Variants in RXRA observed in about 807,000 individuals in gnomAD.
RXRA encodes retinoid X receptor alpha.
In RXRA, 5 loss-of-function variants were observed where a neutral mutation model predicts 44.5. The observed-to-expected ratio is 0.11, with a 90% CI of 0.06 to 0.24. RXRA has a LOEUF of 0.24. RXRA is among the 10% of genes least tolerant of loss of function. The pLI, the probability that RXRA is intolerant of heterozygous loss-of-function variation, is 1.00. For missense variants in RXRA, 412 were observed against 646.5 expected, an observed-to-expected ratio of 0.64 and a Z score of 3.93; for synonymous variants, 291 against 271.4, an observed-to-expected ratio of 1.07 and a Z score of -0.71.
chr9:134,436,209 C>T (rs981480734), intron 9 of RXRA, among the ~76,000 whole-genome samples: 2 of 152,236 alleles, frequency 1.3e-5, no homozygotes, highest in East Asian at 1.9e-4. Context: ...TGCTGTCTGG[C>T]CCCTGGCCCT....
intron 1 of RXRA, among the ~76,000 whole-genome samples, chr9:134,353,785 T>C (rs1393877451): frequency 1.3e-5 from 2 of 152,188 alleles, no homozygotes; most frequent in Non-Finnish European, 2.9e-5. Context: ...GGATGTCCCG[T>C]TGGGGCCGTG....
chr9:134,354,763 G>A (rs1211473344), intron 1 of RXRA, among the ~76,000 whole-genome samples: 1 of 152,234 alleles, frequency 6.6e-6, no homozygotes, highest in African/African-American at 2.4e-5. Context: ...TCAGATCTGG[G>A]CCAAACCTGC....
At chr9:134,346,169 TGCC>T (rs1554748757) in intron 1 of RXRA, among the ~76,000 whole-genome samples, 1 of 152,142 alleles carries the variant, frequency 6.6e-6, no homozygotes, top group African/African-American at 2.4e-5. Flanking sequence ...ATCAGGACCA[TGCC>T]GCCCTCCTCT....
rs532306536 is a variant in RXRA, at chr9:134,408,016, A to G, written c.280-133A>G. The G allele has an allele frequency of 1.3e-4, 75 of 557,502 alleles. 1 individual carries two copies. The highest frequency in any genetic ancestry group is 2.9e-4 in the Admixed American group (8 of 27,990). 34.5% of individuals were successfully genotyped at this position (557,502 alleles called of 1,614,324 possible). On this transcript the variant is annotated intron_variant, in intron 2 of 9. Transcript: ENST00000481739. ...CGGAGCAGCGTGGCGGGTGGGGGGC[A>G]CGGCCCTCTCTAGCCTCGGTGTCTG...
At chr9:134,415,158 T>C (rs1331590060) in intron 4 of RXRA, among the ~76,000 whole-genome samples, 2 of 152,192 alleles carry the variant, frequency 1.3e-5, no homozygotes, top group African/African-American at 4.8e-5. Context: ...TGAGTCTCCC[T>C]GTGTGGGCGG....
intron 1 of RXRA, chr9:134,380,199 C>T (rs1830621953): frequency 3.1e-6 from 3 of 980,994 alleles, no homozygotes; most frequent in Non-Finnish European, 3.6e-6. Flanking sequence ...GCGGTGTAGG[C>T]CGGAGGTGGC....
intron 1 of RXRA, among the ~76,000 whole-genome samples, chr9:134,391,969 C>T (rs989847246): frequency 5.9e-5 from 9 of 152,238 alleles, no homozygotes; most frequent in African/African-American, 2.2e-4. Flanking sequence ...GCCTGGCGTG[C>T]ACCTGCAGTT....
Position 134,407,673 on chromosome 9 carries a change from G to C in RXRA, c.280-476G>C. ...TGTGGGGTGTATGTGTGGTTCTTGG[G>C]GGGGTCCCCAGCCCTCCTCCGTCCT... On this transcript the variant is annotated intron_variant, in intron 2 of 9. Coordinates refer to ENST00000481739, the MANE Select transcript of RXRA (RefSeq NM_002957.6). This position sits in a 1 kb window ranked among gnomAD's most constrained non-coding sequence, Gnocchi z 4.8. 6.6e-6 allele frequency among the ~76,000 whole-genome samples: 1 copy of C among 152,080 alleles called. No homozygotes were observed. The highest frequency in any genetic ancestry group is 1.5e-5 in the Non-Finnish European group (1 of 68,002).
rs142579764 is a variant in RXRA at position 134,366,507 on chromosome 9, C to T, written c.29-35125C>T. ...CACGGCGAGCTCCTGGCGGGAGTCCCCCTCCCCAGCAGCCACCCCGTGCCA... is the reference window on the plus strand; with the variant it reads ...CACGGCGAGCTCCTGGCGGGAGTCCTCCTCCCCAGCAGCCACCCCGTGCCA... On this transcript the variant is annotated intron_variant, in intron 1 of 9. Coordinates refer to ENST00000481739, the MANE Select transcript of RXRA (RefSeq NM_002957.6). This position sits in a 1 kb window ranked among gnomAD's most constrained non-coding sequence, Gnocchi z 5.9. Among the ~76,000 whole-genome samples, 215 of 152,306 alleles carry T rather than the reference C, an allele frequency of 1.4e-3. 1 individual carries two copies. The highest frequency in any genetic ancestry group is 7.1e-3 in the East Asian group (37 of 5,184).
intron 1 of RXRA, among the ~76,000 whole-genome samples, chr9:134,350,295 A>G (rs1353574840): frequency 2.0e-5 from 3 of 152,116 alleles, no homozygotes; most frequent in Non-Finnish European, 4.4e-5. Flanking sequence ...CAGTGCTGGC[A>G]TCGCTCTCTG....
At chr9:134,348,191 C>T (rs1295515044) in intron 1 of RXRA, among the ~76,000 whole-genome samples, 6 of 152,110 alleles carry the variant, frequency 3.9e-5, no homozygotes, top group African/African-American at 1.4e-4. Context: ...TCATGCAGGA[C>T]CCCTGGCAGG....
chr9:134,425,335 A>G (rs1831414310), intron 6 of RXRA: 2 of 984,912 alleles, frequency 2.0e-6, no homozygotes, highest in African/African-American at 3.5e-5. Flanking sequence ...TGTTCCATGG[A>G]AGCTCTGGGT....
Position 134,380,278 on chromosome 9 carries a change from G to A in RXRA, c.29-21354G>A, listed in dbSNP as rs1444972433. ...GGTGGCCGGGGCACTGTGAGCTGGC[G>A]TGCTGAGGCTGGCCTGCCCGTGGCT... On this transcript the variant is annotated intron_variant, in intron 1 of 9. Transcript: ENST00000481739. 1.5e-5 allele frequency: 12 copies of A among 822,768 alleles called. No individual in the cohort carries two copies. The African/African-American group carries it at 1.5e-4, about 10-fold the overall frequency. 51.0% of individuals were successfully genotyped at this position (822,768 alleles called of 1,614,324 possible).
At chr9:134,364,853 C>T (rs543816684) in intron 1 of RXRA, among the ~76,000 whole-genome samples, 2 of 152,300 alleles carry the variant, frequency 1.3e-5, no homozygotes, top group South Asian at 4.1e-4. Flanking sequence ...GGAGAGGAGC[C>T]AGGAGCGTGG....
intron 1 of RXRA, among the ~76,000 whole-genome samples, chr9:134,396,518 G>C (rs923177676): frequency 3.9e-5 from 6 of 152,044 alleles, no homozygotes; most frequent in Non-Finnish European, 8.8e-5. Context: ...CCGGGCGGGG[G>C]GGTCCCCAGG....
rs1554748204 is a variant in RXRA, at chr9:134,342,496, T to C, written c.28+15837T>C. 6.6e-6 allele frequency among the ~76,000 whole-genome samples: 1 copy of C among 152,194 alleles called. No homozygotes were observed. Among genetic ancestry groups the C allele is most frequent in the African/African-American group, 2.4e-5 (1 of 41,452 alleles). ...CCCAGGTGGTCAGGCCCCAGAGGCTTGCACTTGGGATGGCGTGCTGTGCGC... is the reference window on the plus strand; with the variant it reads ...CCCAGGTGGTCAGGCCCCAGAGGCTCGCACTTGGGATGGCGTGCTGTGCGC... On this transcript the variant is annotated intron_variant, in intron 1 of 9. Transcript: ENST00000481739. This position sits in a 1 kb window ranked among gnomAD's most constrained non-coding sequence, Gnocchi z 4.4.
intron 1 of RXRA, among the ~76,000 whole-genome samples, chr9:134,338,936 C>T (rs571518452): frequency 2.0e-5 from 3 of 152,376 alleles, no homozygotes; most frequent in East Asian, 1.9e-4. Context: ...GTCTGCCTGG[C>T]CGCCTTTCTG....
Position 134,392,920 on chromosome 9 carries a change from C to T in RXRA, c.29-8712C>T, listed in dbSNP as rs539783934. On this transcript the variant is annotated intron_variant, in intron 1 of 9. Transcript: ENST00000481739. Reference sequence around the variant, plus strand: ...CTCTGGGATGGGGCTCCGAGTCCCACAGTCACTGGCCGGTCATTGCCAGCC... The same window carrying T: ...CTCTGGGATGGGGCTCCGAGTCCCATAGTCACTGGCCGGTCATTGCCAGCC... 1.2e-4 allele frequency among the ~76,000 whole-genome samples: 18 copies of T among 152,126 alleles called. No homozygotes were observed. The South Asian group carries it at 3.1e-3, about 26-fold the overall frequency.
intron 1 of RXRA, among the ~76,000 whole-genome samples, chr9:134,375,275 C>T (rs773560436): frequency 5.3e-5 from 8 of 152,090 alleles, no homozygotes; most frequent in South Asian, 4.1e-4. Flanking sequence ...GGCCAGAGCG[C>T]GTGTCACTGT....
Sources: gnomAD v4.1 joint callset for allele counts (sites outside exome capture counted in the v4.1 genomes callset) on GRCh38, gnomAD v4.1.1 for gene constraint, Gnocchi (gnomAD v3.1) non-coding constraint, MANE v1.5 for transcripts, NCBI Gene and HGNC (gene_info 2026-07-23, HGNC 2026-07-21) for gene names.